The following BEST1 variants were observed in gnomAD, a reference collection of about 807,000 sequenced individuals.
The protein encoded by BEST1 is bestrophin-1.
In BEST1, 58 loss-of-function variants were observed where a neutral mutation model predicts 63.3. The ratio of observed to expected loss-of-function variants is 0.92; its 90% CI spans 0.74 to 1.14. The LOEUF (loss-of-function observed/expected upper bound fraction) is 1.14, where lower values mean the gene tolerates loss of function less well. Among genes scored for constraint, BEST1 ranks in the 50% most tolerant of loss-of-function variants. The pLI is 0.00. For synonymous variants in BEST1, 283 were observed against 291.6 expected, an observed-to-expected ratio of 0.97 and a Z score of 0.30; for missense variants, 671 against 740.1, an observed-to-expected ratio of 0.91 and a Z score of 1.08.
At chr11:61,956,358 A>C (rs1412058795) in intron 4 of BEST1, among the ~76,000 whole-genome samples, 1 of 152,142 alleles carries the variant, frequency 6.6e-6, no homozygotes, top group Non-Finnish European at 1.5e-5. Context: ...CCTGGTTAAT[A>C]AGACAGACCC....
intron 6 of BEST1, 142 bp from the exon 7 acceptor site, chr11:61,958,004 G>T: frequency 1.3e-6 from 1 of 773,532 alleles, no homozygotes; most frequent in Non-Finnish European, 2.1e-6. Context: ...AAACAAAGGG[G>T]TTAACAGAGC....
chr11:61,956,904 T>G lies in BEST1; in HGVS notation c.542T>G (p.Phe181Cys). Residue 181 changes from phenylalanine to cysteine, a missense_variant, in exon 5 of 11, where the codon TTC becomes TGC. By Grantham distance (205) the Phe-to-Cys change is radical. Transcript: ENST00000378043. ...AAACTGAGCCTACCACACAACATGT[T>G]CTGGGTGCCCTGGGTGTGGTTTGCC... is the stretch of plus-strand genomic sequence containing the variant. ...LEKLSLPHNM[F>C]WVPWVWFANL... is the part of the protein sequence containing the mutation. The G allele has an allele frequency of 6.2e-7, 1 of 1,614,128 alleles. No individual in the cohort carries two copies. Among genetic ancestry groups the G allele is most frequent in the Non-Finnish European group, 8.5e-7 (1 of 1,180,012 alleles).
At chr11:61,963,419 C>T in intron 10 of BEST1, 2 of 1,188,288 alleles carry the variant, frequency 1.7e-6, no homozygotes, top group Non-Finnish European at 2.1e-6. Context: ...GCCCTTAGGT[C>T]ATTTTCTCAC....
In BEST1 at chr11:61,956,104, A is replaced by G. The variant is rs1389392200; in HGVS notation, c.481+153A>G. 2.0e-5 allele frequency among the ~76,000 whole-genome samples: 3 copies of G among 152,046 alleles called. 1 individual carries two copies. The highest frequency in any genetic ancestry group is 2.0e-4 in the Admixed American group (3 of 15,276). On this transcript the variant is annotated intron_variant, in intron 4 of 10. Coordinates refer to ENST00000378043, the MANE Select transcript of BEST1 (RefSeq NM_004183.4). ...GGTGTAGTCAAGATTTGGGGGTCCA[A>G]TTGGGCGGGACAGAGTCGGGTGTCT...
At position 61,962,449 on chromosome 11, in the gene BEST1, C is replaced by A; in HGVS notation, c.1295C>A (p.Ala432Asp). The A allele has an allele frequency of 6.2e-7, 1 of 1,614,162 alleles. No homozygotes were observed. Among genetic ancestry groups the A allele is most frequent in the South Asian group, 1.1e-5 (1 of 91,084 alleles). Residue 432 changes from alanine (A) to aspartate (D), a missense_variant, in exon 10 of 11, where the codon GCC becomes GAC. By Grantham distance (126) the Ala-to-Asp change is moderately radical. Transcript: ENST00000378043. The stretch of plus-strand genomic sequence containing the variant: ...GGCCTGCCCAAAAACCACAAGGCAG[C>A]CAAACAGAACGTTAGGGGCCAGGAA... ...HEGLPKNHKA[A>D]KQNVRGQEDN...
intron 1 of BEST1, 52 bp from the exon 2 acceptor site, chr11:61,951,719 G>T: frequency 1.3e-6 from 2 of 1,567,992 alleles, no homozygotes; most frequent in South Asian, 1.1e-5. Flanking sequence ...GACAGGCTCT[G>T]ACCAGGGCCT....
chr11:61,964,486 C>T (rs923614031), downstream of BEST1: 1 of 625,512 alleles, frequency 1.6e-6, no homozygotes, highest in Non-Finnish European at 2.8e-6. Flanking sequence ...GTGATTAGAA[C>T]TGAACAACGG....
chr11:61,952,039 T>C (rs1266658039), intron 2 of BEST1, 81 bp downstream of exon 2: 1 of 1,519,844 alleles, frequency 6.6e-7, no homozygotes, highest in African/African-American at 1.4e-5. Flanking sequence ...CCCAGCCAGC[T>C]CAGGGGCCAG....
intron 5 of BEST1, 93 bp from the exon 6 acceptor site, chr11:61,957,294 T>C: frequency 8.3e-7 from 1 of 1,201,204 alleles, no homozygotes; most frequent in East Asian, 2.3e-5. Context: ...GGACCATAGG[T>C]ACCAGGCCCT....
Position 61,956,987 on chromosome 11 carries a change from A to G in BEST1, c.625A>G (p.Ser209Gly). 1.9e-6 allele frequency: 3 copies of G among 1,614,116 alleles called. No homozygotes were observed. Among genetic ancestry groups the G allele is most frequent in the Non-Finnish European group, 2.5e-6 (3 of 1,180,020 alleles). ...AATCCGGGACCCTATCCTGCTCCAG[A>G]GCCTGCTGAACGTGAGCCCACTGTA... is the stretch of plus-strand genomic sequence containing the variant. ...GRIRDPILLQSLLNEMNTLRT... is the reference protein window; with the variant it reads ...GRIRDPILLQGLLNEMNTLRT... The change falls in exon 5 of 11, where the codon AGC (serine) becomes GGC (glycine). Residue 209 changes from serine to glycine, a missense_variant. By Grantham distance (56) the Ser-to-Gly change is moderately conservative. Transcript: ENST00000378043.
intron 8 of BEST1, 21 bp from the exon 9 acceptor site, chr11:61,959,871 T>G (rs772878651): frequency 2.6e-5 from 42 of 1,611,958 alleles, no homozygotes; most frequent in Non-Finnish European, 3.2e-5. Context: ...CTGTGGGACT[T>G]CTTCTGTCCC....
chr11:61,957,300 G>T, intron 5 of BEST1, 87 bp from the exon 6 acceptor site: 1 of 1,253,720 alleles, frequency 8.0e-7, no homozygotes, highest in African/African-American at 1.5e-5. Context: ...TAGGTACCAG[G>T]CCCTGGTACC....
rs1735111332 is a variant in BEST1 at position 61,955,803 on chromosome 11, G to C, written c.333G>C (p.Ser111=). The change falls in exon 4 of 11, where the codon TCG becomes TCC. Residue 111 remains serine, a synonymous_variant. Coordinates refer to ENST00000378043, the MANE Select transcript of BEST1 (RefSeq NM_004183.4). ...CCGACCGCCTCATGAGCCTGGTGTC[G>C]GGCTTCGTCGAAGGCAAGGACGAGC... is the stretch of plus-strand genomic sequence containing the variant. ...PWPDRLMSLV[S]GFVEGKDEQG... The C allele has an allele frequency of 6.4e-7, 1 of 1,550,392 alleles. No individual in the cohort carries two copies. The highest frequency in any genetic ancestry group is 1.2e-5 in the South Asian group (1 of 84,064).
chr11:61,950,575 G>A (rs1940540096), intron 1 of BEST1, 148 bp downstream of exon 1: 1 of 152,316 alleles, frequency 6.6e-6, no homozygotes, highest in South Asian at 2.1e-4. Flanking sequence ...CAAATGCCCT[G>A]AGGTGGGAAT....
chr11:61,963,975 G>C (rs565070598), intron 10 of BEST1, 129 bp from the exon 11 acceptor site: 1 of 1,514,430 alleles, frequency 6.6e-7, no homozygotes, highest in Non-Finnish European at 8.8e-7. Flanking sequence ...CCTGGGCGAC[G>C]GAGTGAGACT....
chr11:61,962,741 A>C lies in BEST1; in HGVS notation c.1587A>C (p.Val529=). ...GGGCCTTGATGGAGCACCCAGAAGTATCTCAAGTGAGGAGGAAAACTGTGG... is the reference window on the plus strand; with the variant it reads ...GGGCCTTGATGGAGCACCCAGAAGTCTCTCAAGTGAGGAGGAAAACTGTGG... The part of the protein sequence containing the change: ...SDGALMEHPE[V]SQVRRKTVEF... The change falls in exon 10 of 11, where the codon GTA becomes GTC. Residue 529 remains valine (V), a synonymous_variant. Coordinates refer to ENST00000378043, the MANE Select transcript of BEST1 (RefSeq NM_004183.4). 1 of 1,614,264 alleles carries C rather than the reference A, an allele frequency of 6.2e-7. No homozygotes were observed.
At chr11:61,956,059 T>C in intron 4 of BEST1, 108 bp downstream of exon 4, 3 of 1,136,428 alleles carry the variant, frequency 2.6e-6, no homozygotes, top group Non-Finnish European at 3.7e-6. Context: ...ACTCGGGGGA[T>C]TGGGTGGAGC....
intron 3 of BEST1, 189 bp from the exon 4 acceptor site, chr11:61,955,529 C>T: frequency 9.8e-7 from 1 of 1,015,560 alleles, no homozygotes; most frequent in Non-Finnish European, 1.4e-6. Context: ...GTGACAGAAC[C>T]CTTGGGGCTC....
intron 6 of BEST1, 57 bp downstream of exon 6, chr11:61,957,521 G>C: frequency 1.3e-6 from 2 of 1,545,258 alleles, no homozygotes; most frequent in Non-Finnish European, 1.8e-6. Context: ...GAAGGACCAA[G>C]GAAGCAGCTG....
Sources: allele counts gnomAD v4.1 joint callset (sites outside exome capture counted in the v4.1 genomes callset), GRCh38; gene constraint gnomAD v4.1.1; transcripts MANE v1.5; gene names NCBI Gene and HGNC (gene_info 2026-07-23, HGNC 2026-07-21).